Variants in COG5 observed in about 807,000 individuals in gnomAD.
COG5 encodes the protein conserved oligomeric Golgi complex subunit 5.
Under a neutral mutation model 110.4 loss-of-function variants are expected in COG5, and 86 were observed. That is an observed-to-expected ratio of 0.78 (90% CI 0.65 to 0.93). The LOEUF is 0.93. COG5 is among the 40% of genes least tolerant of loss of function. The pLI is 0.00. For synonymous variants in COG5, 360 were observed against 334.6 expected, an observed-to-expected ratio of 1.08 and a Z score of -0.83; for missense variants, 1,077 against 987.0, an observed-to-expected ratio of 1.09 and a Z score of -1.22.
At chr7:107,268,039 G>A (rs1488619061) in intron 14 of COG5, among the ~76,000 whole-genome samples, 1 of 152,140 alleles carries the variant, frequency 6.6e-6, no homozygotes. Context: ...CACAATCTCG[G>A]CTCACCGCAA....
intron 10 of COG5, among the ~76,000 whole-genome samples, chr7:107,341,669 C>T (rs187267430): frequency 8.4e-4 from 128 of 152,054 alleles, no homozygotes; most frequent in African/African-American, 2.6e-3. Flanking sequence ...GGTACTGGTA[C>T]AAAAACATAC....
chr7:107,353,411 C>T (rs1278970637), intron 10 of COG5, among the ~76,000 whole-genome samples: 3 of 117,892 alleles, frequency 2.5e-5, no homozygotes, highest in African/African-American at 3.4e-5. Context: ...GGCGACAGAG[C>T]GAGACTCCGT....
At chr7:107,223,007 A>G (rs1800060598) in intron 19 of COG5, among the ~76,000 whole-genome samples, 1 of 152,098 alleles carries the variant, frequency 6.6e-6, no homozygotes, top group Admixed American at 6.5e-5. Flanking sequence ...TAAGGCAAAA[A>G]TCCTGCTGCT....
chr7:107,453,076 C>T (rs941401171), intron 6 of COG5, among the ~76,000 whole-genome samples: 3 of 152,158 alleles, frequency 2.0e-5, no homozygotes, highest in Non-Finnish European at 4.4e-5. Context: ...TCATTGTTCC[C>T]TTAGCACCTT....
chr7:107,338,003 C>A (rs1038853891), intron 10 of COG5, among the ~76,000 whole-genome samples: 1 of 152,116 alleles, frequency 6.6e-6, no homozygotes, highest in African/African-American at 2.4e-5. Flanking sequence ...ATTAAAGCTG[C>A]ATAATGTTAC....
chr7:107,514,175 A>G (rs1398112932), intron 6 of COG5, among the ~76,000 whole-genome samples: 2 of 152,118 alleles, frequency 1.3e-5, no homozygotes, highest in Non-Finnish European at 2.9e-5. Context: ...AGTAGAGGAA[A>G]TATTTTCTAT....
chr7:107,360,468 A>T (rs1562988472), intron 10 of COG5, among the ~76,000 whole-genome samples: 1 of 152,208 alleles, frequency 6.6e-6, no homozygotes, highest in Non-Finnish European at 1.5e-5. Context: ...CTGGGCAACA[A>T]GAAGGAGAGA....
chr7:107,361,086 A>T (rs1250227013), intron 10 of COG5, among the ~76,000 whole-genome samples: 1 of 152,216 alleles, frequency 6.6e-6, no homozygotes, highest in Non-Finnish European at 1.5e-5. Flanking sequence ...TTACAAAGGA[A>T]ATTACCTATA....
Position 107,281,328 on chromosome 7 carries a change from T to C in COG5, c.1547A>G (p.Gln516Arg), listed in dbSNP as rs1411102622. The C allele has an allele frequency of 5.6e-6, 9 of 1,613,290 alleles. No individual in the cohort carries two copies. The highest frequency in any genetic ancestry group is 7.6e-6 in the Non-Finnish European group (9 of 1,179,364). The part of the protein sequence containing the change: ...AVSKNVAKTI[Q>R]LYSVKSEQLL... ...CTGCTCTGATTTTACACTGTATAAC[T>C]GGATGGTCTTTGCCACATTTTTTGA... The change falls in exon 14 of 22, where the codon CAG becomes CGG. Residue 516 changes from glutamine to arginine, a missense_variant. By Grantham distance (43) the Gln-to-Arg change is conservative. Transcript: ENST00000297135.
chr7:107,275,069 A>G (rs1273026517), intron 14 of COG5, among the ~76,000 whole-genome samples: 1 of 152,174 alleles, frequency 6.6e-6, no homozygotes, highest in African/African-American at 2.4e-5. Flanking sequence ...CTAGGATTAT[A>G]GGTATAGCCA....
intron 5 of COG5, among the ~76,000 whole-genome samples, chr7:107,536,591 C>T: frequency 6.6e-6 from 1 of 152,092 alleles, no homozygotes; most frequent in Non-Finnish European, 1.5e-5. Context: ...AACTACAAAC[C>T]ACTCCTCAAG....
chr7:107,460,712 T>C lies in COG5; in HGVS notation c.539-48080A>G, dbSNP rs752859382. Among the ~76,000 whole-genome samples, 28 of 151,996 alleles carry C rather than the reference T, an allele frequency of 1.8e-4. 1 individual carries two copies. Among genetic ancestry groups the C allele is most frequent in the Admixed American group, 2.6e-4 (4 of 15,274 alleles). On this transcript the variant is annotated intron_variant, in intron 6 of 21. Transcript: ENST00000297135. The stretch of plus-strand genomic sequence containing the variant: ...AAGATTGAGAAAATTGGTAAACTTG[T>C]AGGCAAACTCAAAAAGAAAAAAAGA...
intron 17 of COG5, among the ~76,000 whole-genome samples, chr7:107,240,096 G>A (rs909495669): frequency 6.6e-6 from 1 of 152,102 alleles, no homozygotes; most frequent in African/African-American, 2.4e-5. Context: ...TTTAATCAAT[G>A]TTCTATGTCA....
chr7:107,330,806 T>A (rs1215383801), intron 10 of COG5, among the ~76,000 whole-genome samples: 1 of 151,146 alleles, frequency 6.6e-6, no homozygotes, highest in Non-Finnish European at 1.5e-5. Flanking sequence ...AGAATCAGGA[T>A]CTCTTGAGCT....
intron 6 of COG5, among the ~76,000 whole-genome samples, chr7:107,478,454 T>C (rs75944130): frequency 4.6e-5 from 7 of 151,976 alleles, no homozygotes; most frequent in Non-Finnish European, 8.8e-5. Flanking sequence ...CATGGTCAGT[T>C]AGCATGGTCA....
intron 16 of COG5, 113 bp downstream of exon 16, chr7:107,256,619 T>G: frequency 2.8e-6 from 2 of 707,654 alleles, no homozygotes; most frequent in Non-Finnish European, 5.0e-6. Flanking sequence ...ACATGCTACT[T>G]TTGTATATAT....
At chr7:107,524,583 T>A (rs1021529444) in intron 6 of COG5, among the ~76,000 whole-genome samples, 18 of 152,360 alleles carry the variant, frequency 1.2e-4, no homozygotes, top group African/African-American at 4.3e-4. Flanking sequence ...ATTATTACTT[T>A]TACTCAAATA....
chr7:107,341,215 A>C (rs1811143792), intron 10 of COG5, among the ~76,000 whole-genome samples: 2 of 152,180 alleles, frequency 1.3e-5, no homozygotes, highest in African/African-American at 2.4e-5. Flanking sequence ...AATCAGTAGC[A>C]TTTCTATACG....
rs76935010 is a variant in COG5, at chr7:107,372,921, G to A, written c.670-161C>T. Among the ~76,000 whole-genome samples, 167 of 150,204 alleles carry A rather than the reference G, an allele frequency of 1.1e-3. 1 individual carries two copies. In the East Asian group the frequency reaches 0.031, roughly 28 times the overall value. On this transcript the variant is annotated intron_variant, in intron 7 of 21. Coordinates refer to ENST00000297135, the MANE Select transcript of COG5 (RefSeq NM_006348.5). Reference sequence around the variant, plus strand: ...GACAAGAAAAAACACATTTTGAAGTGAAGATTATTTTTAAACTTTATTTCA... The same window carrying A: ...GACAAGAAAAAACACATTTTGAAGTAAAGATTATTTTTAAACTTTATTTCA...
Sources: gnomAD v4.1 joint callset for allele counts (sites outside exome capture counted in the v4.1 genomes callset) on GRCh38, gnomAD v4.1.1 for gene constraint, MANE v1.5 for transcripts, NCBI Gene and HGNC (gene_info 2026-07-23, HGNC 2026-07-21) for gene names.